NUAK2: variants seen among roughly 807,000 people sequenced by gnomAD.
The protein encoded by NUAK2 is NUAK family SNF1-like kinase 2.
A neutral mutation model predicts 29.8 loss-of-function variants in NUAK2; 20 were observed. The observed-to-expected ratio is 0.67, with a 90% CI of 0.47 to 0.98. The LOEUF (loss-of-function observed/expected upper bound fraction) is 0.98, where lower values mean the gene tolerates loss of function less well. Among genes scored for constraint, NUAK2 ranks in the 50% least tolerant of loss-of-function variants. The pLI, the probability that NUAK2 is intolerant of heterozygous loss-of-function variation, is 0.00. For missense variants in NUAK2, 719 were observed against 834.5 expected, an observed-to-expected ratio of 0.86 and a Z score of 1.71; for synonymous variants, 331 against 342.6, an observed-to-expected ratio of 0.97 and a Z score of 0.37.
chr1:205,315,909 A>T (rs2102258641), intron 1 of NUAK2, among the ~76,000 whole-genome samples: 1 of 152,154 alleles, frequency 6.6e-6, no homozygotes, highest in East Asian at 1.9e-4. Context: ...AATGACTAAA[A>T]CCAAGGAAGA....
At chr1:205,307,365 G>A (rs988181203) in intron 4 of NUAK2, among the ~76,000 whole-genome samples, 5 of 152,238 alleles carry the variant, frequency 3.3e-5, no homozygotes, top group African/African-American at 1.2e-4. Flanking sequence ...CGGGTTTACT[G>A]GCTCTGGCTT....
chr1:205,320,839 C>G (rs1257950522), intron 1 of NUAK2, among the ~76,000 whole-genome samples: 1 of 152,152 alleles, frequency 6.6e-6, no homozygotes, highest in Non-Finnish European at 1.5e-5. Flanking sequence ...ATCAAAAACT[C>G]ATCATAATGA....
In NUAK2 at chr1:205,308,967, C is replaced by T. The variant is rs148494458; in HGVS notation, c.353-235G>A. ...AAGACACTGGCTCATCCTCTGCCTC[C>T]GTGGAAGTTCAGGCTTTTGGGAATT... On this transcript the variant is annotated intron_variant, in intron 2 of 6. Coordinates refer to ENST00000367157, the MANE Select transcript of NUAK2 (RefSeq NM_030952.3). The surrounding 1 kb of genome is among the most constrained non-coding windows in gnomAD (Gnocchi z 4.1). Among the ~76,000 whole-genome samples, 4 of 152,002 alleles carry T rather than the reference C, an allele frequency of 2.6e-5. No individual in the cohort carries two copies. Among genetic ancestry groups the T allele is most frequent in the Non-Finnish European group, 4.4e-5 (3 of 68,018 alleles).
chr1:205,315,393 C>T (rs911240842), intron 1 of NUAK2, among the ~76,000 whole-genome samples: 3 of 152,170 alleles, frequency 2.0e-5, no homozygotes, highest in Non-Finnish European at 2.9e-5. Flanking sequence ...GAACATAAAT[C>T]GCAAATATTT....
intron 1 of NUAK2, among the ~76,000 whole-genome samples, chr1:205,316,778 CT>C (rs1465784957): frequency 3.9e-5 from 6 of 152,212 alleles, no homozygotes; most frequent in Non-Finnish European, 7.3e-5. Flanking sequence ...CCACGGTAGC[CT>C]GCTTGAGCAT....
At position 205,321,697 on chromosome 1, in the gene NUAK2, G is replaced by T. The variant is rs1662423358; in HGVS notation, c.-69C>A. ...TGTGCGGGGAGGGCTGAAGCGCGGG[G>T]CACAGGTCCCGCACCAGGACGGGGA... On this transcript the variant is annotated 5_prime_UTR_variant, in exon 1 of 7. Transcript: ENST00000367157. 1.5e-6 allele frequency: 2 copies of T among 1,292,804 alleles called. No individual in the cohort carries two copies. Among genetic ancestry groups the T allele is most frequent in the Non-Finnish European group, 2.2e-6 (2 of 928,000 alleles). The allele number at this position is 1,292,804 out of a possible 1,614,324, so 80.1% of individuals were successfully genotyped here.
Position 205,302,293 on chromosome 1 carries a change from A to G in NUAK2, c.*1157T>C, listed in dbSNP as rs992229456. 3.3e-5 allele frequency: 5 copies of G among 152,664 alleles called. No individual in the cohort carries two copies. The highest frequency in any genetic ancestry group is 7.3e-5 in the Non-Finnish European group (5 of 68,064). 9.5% of individuals were successfully genotyped at this position (152,664 alleles called of 1,614,324 possible). ...AAACAGCAAGATTCACTTTTCCTAA[A>G]ACACAAAGCCAAGAACATAAAAATA... On this transcript the variant is annotated 3_prime_UTR_variant, in exon 7 of 7. Coordinates refer to ENST00000367157, the MANE Select transcript of NUAK2 (RefSeq NM_030952.3).
chr1:205,320,288 G>A (rs897434938), intron 1 of NUAK2, among the ~76,000 whole-genome samples: 7 of 151,740 alleles, frequency 4.6e-5, no homozygotes, highest in African/African-American at 1.5e-4. Flanking sequence ...TTTTTGAGAC[G>A]GAGTCTCGCT....
In NUAK2 at chr1:205,304,060, G is replaced by C. The variant is rs1254323843; in HGVS notation, c.1277C>G (p.Pro426Arg). The change falls in exon 7 of 7, where the codon CCT (proline) becomes CGT (arginine). Residue 426 changes from proline to arginine, a missense_variant. Coordinates refer to ENST00000367157, the MANE Select transcript of NUAK2 (RefSeq NM_030952.3). The surrounding 1 kb of genome is among the most constrained non-coding windows in gnomAD (Gnocchi z 6.5). ...SASAEGVQED[P>R]PELSPIPASP... Reference sequence around the variant, plus strand: ...CGCAGGGATTGGGCTGAGCTCCGGAGGGTCCTCCTGTACCCCTTCTGCAGA... The same window carrying C: ...CGCAGGGATTGGGCTGAGCTCCGGACGGTCCTCCTGTACCCCTTCTGCAGA... The C allele has an allele frequency of 6.2e-7, 1 of 1,614,020 alleles. No homozygotes were observed. The highest frequency in any genetic ancestry group is 8.5e-7 in the Non-Finnish European group (1 of 1,180,024).
rs151212567 is a variant in NUAK2 at position 205,305,783 on chromosome 1, C to T, written c.690+405G>A. 4.1e-3 allele frequency among the ~76,000 whole-genome samples: 621 copies of T among 152,306 alleles called. 2 individuals carry two copies. The highest frequency in any genetic ancestry group is 6.7e-3 in the Non-Finnish European group (455 of 68,028). ...CTGGAGTGCAGTGGCATGATCCTGGCTCACTGCAACCTCTGCCTCCCAGGT... is the reference window on the plus strand; with the variant it reads ...CTGGAGTGCAGTGGCATGATCCTGGTTCACTGCAACCTCTGCCTCCCAGGT... On this transcript the variant is annotated intron_variant, in intron 5 of 6. Coordinates refer to ENST00000367157, the MANE Select transcript of NUAK2 (RefSeq NM_030952.3).
At chr1:205,309,499 G>A (rs1336722713) in intron 2 of NUAK2, among the ~76,000 whole-genome samples, 1 of 152,092 alleles carries the variant, frequency 6.6e-6, no homozygotes, top group Non-Finnish European at 1.5e-5. Context: ...GCTAATTTTT[G>A]TATTTTTTAG....
At chr1:205,314,058 A>C (rs1475540503) in intron 1 of NUAK2, among the ~76,000 whole-genome samples, 1 of 152,222 alleles carries the variant, frequency 6.6e-6, no homozygotes, top group Non-Finnish European at 1.5e-5. Context: ...GGAGGCAGAC[A>C]ATGGTTTCTG....
intron 1 of NUAK2, 77 bp from the exon 2 acceptor site, chr1:205,311,902 C>A: frequency 6.3e-7 from 1 of 1,586,424 alleles, no homozygotes; most frequent in Non-Finnish European, 8.6e-7. Flanking sequence ...TGGTGGTTTG[C>A]CTGTAGCTGC....
At chr1:205,310,582 C>G (rs912848881) in intron 2 of NUAK2, among the ~76,000 whole-genome samples, 6 of 152,182 alleles carry the variant, frequency 3.9e-5, no homozygotes, top group Non-Finnish European at 1.5e-5. Context: ...AATTCACACA[C>G]ACATGCACAC....
Position 205,304,040 on chromosome 1 carries a change from G to C in NUAK2, c.1297C>G (p.Pro433Ala). The change falls in exon 7 of 7, where the codon CCT (proline) becomes GCT (alanine). Residue 433 changes from proline to alanine, a missense_variant. By Grantham distance (27) the Pro-to-Ala change is conservative. Around this residue, in one of 3 missense-constraint regions of NUAK2, gnomAD observed 430 missense variants for 465.7 expected, o/e 0.92. Coordinates refer to ENST00000367157, the MANE Select transcript of NUAK2 (RefSeq NM_030952.3). The surrounding 1 kb of genome is among the most constrained non-coding windows in gnomAD (Gnocchi z 6.5). ...QEDPPELSPI[P>A]ASPGQAAPLL... The stretch of plus-strand genomic sequence containing the variant: ...GGGGCAGCCTGCCCTGGGCTCGCAG[G>C]GATTGGGCTGAGCTCCGGAGGGTCC... The C allele has an allele frequency of 6.2e-7, 1 of 1,614,038 alleles. No homozygotes were observed. The highest frequency in any genetic ancestry group is 8.5e-7 in the Non-Finnish European group (1 of 1,179,982).
In NUAK2 at chr1:205,321,720, G is replaced by A. The variant is rs1662423884; in HGVS notation, c.-92C>T. On this transcript the variant is annotated 5_prime_UTR_variant, in exon 1 of 7. Transcript: ENST00000367157. ...GGGCACAGGTCCCGCACCAGGACGG[G>A]GAGCCACAGCAGTACCAGAGCGCGC... The A allele has an allele frequency of 1.9e-6, 2 of 1,045,836 alleles. No individual in the cohort carries two copies. The highest frequency in any genetic ancestry group is 1.4e-6 in the Non-Finnish European group (1 of 714,604). 64.8% of individuals were successfully genotyped at this position (1,045,836 alleles called of 1,614,324 possible).
At chr1:205,320,240 C>CTTT (rs67750508) in intron 1 of NUAK2, among the ~76,000 whole-genome samples, 10 of 151,368 alleles carry the variant, frequency 6.6e-5, no homozygotes, top group African/African-American at 1.7e-4. Context: ...ACTGCAAGTT[C>CTTT]TTTTTTTGTT....
Position 205,308,828 on chromosome 1 carries a change from AG to A in NUAK2, c.353-97del. ...CCTCCCCGACCCCAGGCCCCAAACC[AG>A]ACAGGACCCCCCTCCAGGAATATCT... On this transcript the variant is annotated intron_variant, in intron 2 of 6. Coordinates refer to ENST00000367157, the MANE Select transcript of NUAK2 (RefSeq NM_030952.3). The surrounding 1 kb of genome is among the most constrained non-coding windows in gnomAD (Gnocchi z 4.1). 6.5e-6 allele frequency: 9 copies of A among 1,388,694 alleles called. No homozygotes were observed. The African/African-American group carries it at 1.1e-4, about 18-fold the overall frequency. The allele number at this position is 1,388,694 out of a possible 1,614,324, so 86.0% of individuals were successfully genotyped here. A position where few individuals can be genotyped will look rare whatever the true frequency, so the allele number is the denominator to read the frequency against.
rs202117685 is a variant in NUAK2 at position 205,321,367 on chromosome 1, G to C, written c.231+31C>G. 5,147 of 1,578,708 alleles carry C rather than the reference G, an allele frequency of 3.3e-3. 32 individuals carry two copies. Among genetic ancestry groups the C allele is most frequent in the South Asian group, 4.1e-3 (361 of 87,848 alleles). On this transcript the variant is annotated intron_variant, in intron 1 of 6. Coordinates refer to ENST00000367157, the MANE Select transcript of NUAK2 (RefSeq NM_030952.3). ...CCTGCCGGCGGCCAAGCCGGAGCCC[G>C]CCCCGCGCCGCGAGAGGGAGCCGCA...
Sources: gnomAD v4.1 joint callset for allele counts (sites outside exome capture counted in the v4.1 genomes callset) on GRCh38, gnomAD v4.1.1 for gene constraint, gnomAD v4.1.1 regional missense constraint, Gnocchi (gnomAD v3.1) non-coding constraint, MANE v1.5 for transcripts, NCBI Gene and HGNC (gene_info 2026-07-23, HGNC 2026-07-21) for gene names.